Variants in GNB4 observed in about 807,000 individuals in gnomAD.
The protein encoded by GNB4 is G protein subunit beta 4, also known as guanine nucleotide-binding protein subunit beta-4.
GNB4 carries 28 observed loss-of-function variants against 45.2 expected under a neutral mutation model. The ratio of observed to expected loss-of-function variants is 0.62; its 90% CI spans 0.46 to 0.85. The LOEUF is 0.85. GNB4 is among the 40% of genes least tolerant of loss of function. The pLI is 0.00. For missense variants in GNB4, 321 were observed against 425.4 expected (o/e 0.75, Z 2.16); for synonymous variants, 132 against 143.7 (o/e 0.92, Z 0.58).
At chr3:179,457,914 T>C in the GNB4 span, among the ~76,000 whole-genome samples, 1 of 151,784 alleles carries the variant, frequency 6.6e-6, no homozygotes, top group Non-Finnish European at 1.5e-5. Flanking sequence ...CTTTTTTTTT[T>C]TTTTTTTAAA....
At chr3:179,461,496 C>CAA in the GNB4 span, among the ~76,000 whole-genome samples, 1 of 134,648 alleles carries the variant, frequency 7.4e-6, no homozygotes, top group African/African-American at 2.7e-5. Context: ...GACTCCGTCT[C>CAA]AAAAAAAAAA....
chr3:179,457,922 A>T, the GNB4 span, among the ~76,000 whole-genome samples: 10 of 138,234 alleles, frequency 7.2e-5, no homozygotes, highest in Non-Finnish European at 8.1e-5. Flanking sequence ...TTTTTTTTTT[A>T]AAGACAGAGT....
chr3:179,401,757 G>A (rs780153118), intron 9 of GNB4, among the ~76,000 whole-genome samples: 17 of 152,252 alleles, frequency 1.1e-4, no homozygotes, highest in South Asian at 6.2e-4. Flanking sequence ...CGACAAAAAC[G>A]TAAGAACAAA....
the GNB4 span, among the ~76,000 whole-genome samples, chr3:179,516,450 G>C: frequency 6.6e-6 from 1 of 152,178 alleles, no homozygotes; most frequent in Middle Eastern, 3.2e-3. Flanking sequence ...TCTGACTCAG[G>C]GAATGTGAAT....
chr3:179,522,264 C>A, the GNB4 span, among the ~76,000 whole-genome samples: 60 of 151,688 alleles, frequency 4.0e-4, no homozygotes, highest in African/African-American at 1.4e-3. Context: ...AAAGCTCCCC[C>A]ACTGAGCACC....
In GNB4 at chr3:179,423,509, C is replaced by T. The variant is rs140001258; in HGVS notation, c.58-2582G>A. On this transcript the variant is annotated intron_variant, in intron 2 of 9. Transcript: ENST00000232564. ...AATGAAGTTAAGAAACTTGACTGGGCGTGGTGGCTTACGCCTGTAATCCCA... is the reference window on the plus strand; with the variant it reads ...AATGAAGTTAAGAAACTTGACTGGGTGTGGTGGCTTACGCCTGTAATCCCA... Among the ~76,000 whole-genome samples the T allele has an allele frequency of 5.3e-5, 8 of 152,310 alleles. No homozygotes were observed. The East Asian group carries it at 7.7e-4, about 15-fold the overall frequency.
the GNB4 span, among the ~76,000 whole-genome samples, chr3:179,510,969 G>C: frequency 0.031 from 4,734 of 152,232 alleles, 213 homozygotes; most frequent in African/African-American, 0.1. Flanking sequence ...CTCACTAGCA[G>C]CCTCCAACTC....
At chr3:179,466,247 G>A in the GNB4 span, among the ~76,000 whole-genome samples, 1 of 152,082 alleles carries the variant, frequency 6.6e-6, no homozygotes, top group Non-Finnish European at 1.5e-5. Flanking sequence ...CTAACCTCAA[G>A]TGATCCACCT....
At chr3:179,456,107 C>CT (rs10603569), upstream of GNB4, among the ~76,000 whole-genome samples, 1,530 of 122,586 alleles carry the variant, frequency 0.012, 24 homozygotes, top group African/African-American at 0.041. Context: ...GGGACATAGA[C>CT]TTTTTTTTTT....
chr3:179,437,747 T>C (rs1178706903), intron 1 of GNB4: 2 of 151,898 alleles, frequency 1.3e-5, no homozygotes, highest in Admixed American at 6.6e-5. Flanking sequence ...TGACCTGTAA[T>C]ACACATGAGG....
chr3:179,446,185 T>C (rs1044622549), intron 1 of GNB4, among the ~76,000 whole-genome samples: 4 of 152,244 alleles, frequency 2.6e-5, no homozygotes, highest in Admixed American at 6.5e-5. Context: ...CTCCGGTCCC[T>C]GTACCATCCA....
chr3:179,467,796 T>A, the GNB4 span, among the ~76,000 whole-genome samples: 1 of 152,026 alleles, frequency 6.6e-6, no homozygotes, highest in Non-Finnish European at 1.5e-5. Context: ...AAACTGGTTT[T>A]TATCTTCCCA....
the GNB4 span, among the ~76,000 whole-genome samples, chr3:179,523,221 G>A: frequency 1.3e-5 from 2 of 152,242 alleles, no homozygotes; most frequent in Middle Eastern, 3.4e-3. Flanking sequence ...GAATTATACC[G>A]AGATAGGTAA....
intron 1 of GNB4, among the ~76,000 whole-genome samples, chr3:179,447,803 G>C (rs906045079): frequency 6.6e-6 from 1 of 152,178 alleles, no homozygotes; most frequent in East Asian, 1.9e-4. Flanking sequence ...GCTGTTGAAG[G>C]AATAGATTTA....
chr3:179,420,199 G>T lies in GNB4; in HGVS notation c.96+690C>A, dbSNP rs1319234332. Among the ~76,000 whole-genome samples, 3 of 149,940 alleles carry T rather than the reference G, an allele frequency of 2.0e-5. No individual in the cohort carries two copies. In the East Asian group the frequency reaches 5.8e-4, roughly 29 times the overall value. ...GGGCTGGAATGCAGTAGGGATCTCG[G>T]CTCATTGCAATATCTGCCTCCCAGG... On this transcript the variant is annotated intron_variant, in intron 3 of 9. Transcript: ENST00000232564.
At chr3:179,484,286 T>C in the GNB4 span, among the ~76,000 whole-genome samples, 6 of 152,220 alleles carry the variant, frequency 3.9e-5, no homozygotes, top group Non-Finnish European at 8.8e-5. Context: ...CAGGGCCAAA[T>C]ATATGACCCT....
intron 1 of GNB4, among the ~76,000 whole-genome samples, chr3:179,433,547 G>C (rs760446175): frequency 6.6e-6 from 1 of 151,558 alleles, no homozygotes; most frequent in African/African-American, 2.4e-5. Flanking sequence ...TGAAGCTGCA[G>C]TAAGCTACAA....
chr3:179,421,666 G>A (rs1196357370), intron 2 of GNB4, among the ~76,000 whole-genome samples: 3 of 152,210 alleles, frequency 2.0e-5, no homozygotes, highest in Non-Finnish European at 4.4e-5. Flanking sequence ...ACTTGTTCCA[G>A]TCAGCCGAGG....
the GNB4 span, among the ~76,000 whole-genome samples, chr3:179,499,923 G>T: frequency 1.3e-5 from 2 of 152,068 alleles, no homozygotes; most frequent in African/African-American, 4.8e-5. Context: ...CATTTGATGG[G>T]GTTGTTTGTT....
Sources: allele counts gnomAD v4.1 joint callset (sites outside exome capture counted in the v4.1 genomes callset), GRCh38; gene constraint gnomAD v4.1.1; transcripts MANE v1.5; gene names NCBI Gene and HGNC (gene_info 2026-07-23, HGNC 2026-07-21).